TRIM4: variants seen among roughly 807,000 people sequenced by gnomAD.
The protein encoded by TRIM4 is tripartite motif containing 4, also known as E3 ubiquitin-protein ligase TRIM4.
TRIM4 carries 29 observed loss-of-function variants against 33.7 expected under a neutral mutation model. That is an observed-to-expected ratio of 0.86 (90% confidence interval 0.64 to 1.17). TRIM4 has a LOEUF of 1.17. Among genes scored for constraint, TRIM4 ranks in the 50% most tolerant of loss-of-function variants. TRIM4 has a pLI of 0.00. For missense variants in TRIM4, 554 were observed against 593.7 expected (o/e 0.93, Z 0.69); for synonymous variants, 224 against 233.0 (o/e 0.96, Z 0.35).
chr7:99,907,318 C>T (rs989589160), intron 3 of TRIM4, among the ~76,000 whole-genome samples: 2 of 152,160 alleles, frequency 1.3e-5, no homozygotes, highest in African/African-American at 4.8e-5. Flanking sequence ...CCATGTTGGC[C>T]AGTCTGGTCT....
chr7:99,909,424 T>C (rs1819385848), intron 2 of TRIM4, 141 bp downstream of exon 2: 2 of 620,710 alleles, frequency 3.2e-6, no homozygotes, highest in South Asian at 2.2e-5. Context: ...TCACATGATA[T>C]GGAGGAAACA....
chr7:99,907,987 C>T (rs960618679), intron 3 of TRIM4, among the ~76,000 whole-genome samples: 1 of 152,096 alleles, frequency 6.6e-6, no homozygotes, highest in Non-Finnish European at 1.5e-5. Flanking sequence ...GGACACTTTA[C>T]CTACAGAGGA....
intron 5 of TRIM4, among the ~76,000 whole-genome samples, chr7:99,895,604 A>G (rs1175763967): frequency 6.6e-6 from 1 of 152,178 alleles, no homozygotes; most frequent in East Asian, 1.9e-4. Flanking sequence ...CTGCTGATTT[A>G]TTGCCTAATT....
chr7:99,908,813 C>G lies in TRIM4; in HGVS notation c.490-1G>C. ...TCATTCGCTGACTCTTTATCTTATC[C>G]TAAGGCCACATGAGATTTGCTCACT... On this transcript the variant is annotated splice_acceptor_variant, in intron 2 of 5. Transcript: ENST00000349062. LOFTEE classifies it high-confidence loss of function. The G allele has an allele frequency of 6.2e-7, 1 of 1,612,692 alleles. No individual in the cohort carries two copies. The highest frequency in any genetic ancestry group is 8.5e-7 in the Non-Finnish European group (1 of 1,179,534).
intron 3 of TRIM4, 154 bp downstream of exon 3, chr7:99,908,428 G>A (rs1034907900): frequency 1.6e-6 from 1 of 640,628 alleles, no homozygotes; most frequent in Non-Finnish European, 2.7e-6. Context: ...TTTGAATGGT[G>A]AATCTTTGGC....
At chr7:99,917,834 T>C in intron 1 of TRIM4, 1 of 985,408 alleles carries the variant, frequency 1.0e-6, no homozygotes, top group Non-Finnish European at 1.2e-6. Flanking sequence ...GGGGTGGGGC[T>C]ACTCTGGAAA....
chr7:99,909,706 T>A (rs1819394361), intron 1 of TRIM4, 46 bp from the exon 2 acceptor site: 123 of 958,186 alleles, frequency 1.3e-4, no homozygotes, highest in Non-Finnish European at 1.8e-4. Flanking sequence ...TCTCCAACCA[T>A]CATCATCTTC....
At position 99,892,596 on chromosome 7, in the gene TRIM4, G is replaced by T. The variant is rs929264595; in HGVS notation, c.992C>A (p.Thr331Asn). 2 of 1,614,038 alleles carry T rather than the reference G, an allele frequency of 1.2e-6. No homozygotes were observed. The highest frequency in any genetic ancestry group is 3.3e-5 in the Admixed American group (2 of 59,996). Residue 331 changes from threonine (T) to asparagine (N), a missense_variant, in exon 6 of 6, where the codon ACT (threonine) becomes AAT (asparagine). Coordinates refer to ENST00000349062, the MANE Select transcript of TRIM4 (RefSeq NM_033091.3). ...GTGCTGAAATCTCTCTACAAAAGCA[G>T]TCTTCTGAGGATTCCTCCATCCAGC... ...YFAGWRNPQK[T>N]AFVERFQHLP...
intron 1 of TRIM4, among the ~76,000 whole-genome samples, chr7:99,911,384 G>C (rs184476493): frequency 6.6e-6 from 1 of 152,092 alleles, no homozygotes; most frequent in Non-Finnish European, 1.5e-5. Context: ...CAAAACTAGT[G>C]AATAGTGTCA....
chr7:99,898,833 C>T (rs1819085338), intron 5 of TRIM4, among the ~76,000 whole-genome samples: 1 of 152,162 alleles, frequency 6.6e-6, no homozygotes, highest in Admixed American at 6.5e-5. Context: ...CACATTATAA[C>T]CGGGGTTATG....
At chr7:99,892,792 C>G in intron 5 of TRIM4, 46 bp from the exon 6 acceptor site, 1 of 1,490,886 alleles carries the variant, frequency 6.7e-7, no homozygotes, top group East Asian at 2.3e-5. Context: ...TTATCATCAA[C>G]CCTTCCCCAG....
At chr7:99,905,174 G>A (rs188711037) in intron 3 of TRIM4, among the ~76,000 whole-genome samples, 7 of 152,250 alleles carry the variant, frequency 4.6e-5, no homozygotes, top group Non-Finnish European at 1.0e-4. Flanking sequence ...ACCTTTCAGG[G>A]TGGCTAAAGT....
At position 99,903,550 on chromosome 7, in the gene TRIM4, C is replaced by A. The variant is rs958614412; in HGVS notation, c.743+26G>T. 6 of 1,614,100 alleles carry A rather than the reference C, an allele frequency of 3.7e-6. No individual in the cohort carries two copies. In the South Asian group the frequency reaches 5.5e-5, roughly 15 times the overall value. The stretch of plus-strand genomic sequence containing the variant: ...TGTATCTTTACCATGCCACCCAGGT[C>A]CCCATAAGAGAACAGGAGTGCATAC... On this transcript the variant is annotated intron_variant, in intron 4 of 5. Transcript: ENST00000349062.
intron 5 of TRIM4, among the ~76,000 whole-genome samples, chr7:99,897,540 C>G (rs1255072234): frequency 5.9e-5 from 9 of 152,050 alleles, no homozygotes; most frequent in Admixed American, 1.3e-4. Context: ...CACACTGTAC[C>G]TCATAAATAT....
chr7:99,911,176 C>A (rs978408262), intron 1 of TRIM4, among the ~76,000 whole-genome samples: 1 of 152,262 alleles, frequency 6.6e-6, no homozygotes, highest in African/African-American at 2.4e-5. Flanking sequence ...GCACAGGTGG[C>A]AGTTGGAGCC....
At chr7:99,904,526 C>G (rs991405094) in intron 3 of TRIM4, among the ~76,000 whole-genome samples, 1 of 152,130 alleles carries the variant, frequency 6.6e-6, no homozygotes, top group Non-Finnish European at 1.5e-5. Context: ...AAACTACAAA[C>G]TCTAGTTAGT....
intron 3 of TRIM4, among the ~76,000 whole-genome samples, chr7:99,905,018 G>A (rs1819264738): frequency 6.6e-6 from 1 of 150,830 alleles, no homozygotes; most frequent in African/African-American, 2.4e-5. Context: ...GTTACAAAGC[G>A]AGACGCTGTC....
intron 3 of TRIM4, among the ~76,000 whole-genome samples, chr7:99,904,504 G>A (rs1819251492): frequency 6.6e-6 from 1 of 152,052 alleles, no homozygotes; most frequent in African/African-American, 2.4e-5. Flanking sequence ...TAAAAACTGA[G>A]GAAATGGAAA....
chr7:99,907,600 G>A (rs7781442), intron 3 of TRIM4, among the ~76,000 whole-genome samples: 55,674 of 152,124 alleles, frequency 0.37, 11,344 homozygotes, highest in Non-Finnish European at 0.46. Context: ...ACTTGCAACT[G>A]CATTGCTTAA....
Sources: gnomAD v4.1 joint callset for allele counts (sites outside exome capture counted in the v4.1 genomes callset) on GRCh38, gnomAD v4.1.1 for gene constraint, MANE v1.5 for transcripts, NCBI Gene and HGNC (gene_info 2026-07-23, HGNC 2026-07-21) for gene names.